The following GALNT17 variants were observed in gnomAD, a reference collection of about 807,000 sequenced individuals.
GALNT17 encodes polypeptide N-acetylgalactosaminyltransferase 17, also known as UDP-GalNAc:polypeptide N-acetylgalactosaminyltransferase-like 3.
A neutral mutation model predicts 63.7 loss-of-function variants in GALNT17; 29 were observed. The observed-to-expected ratio is 0.46, with a 90% CI of 0.34 to 0.62. The LOEUF (loss-of-function observed/expected upper bound fraction) is 0.62, where lower values mean the gene tolerates loss of function less well. Among genes scored for constraint, GALNT17 ranks in the 20% least tolerant of loss-of-function variants. The pLI is 0.01. For missense variants in GALNT17, 603 were observed against 799.6 expected (o/e 0.75, Z 2.97); for synonymous variants, 305 against 318.3 (o/e 0.96, Z 0.45).
chr7:71,547,113 T>C (rs1281218264), intron 5 of GALNT17, among the ~76,000 whole-genome samples: 1 of 151,992 alleles, frequency 6.6e-6, no homozygotes, highest in Non-Finnish European at 1.5e-5. Flanking sequence ...TGCCTCAGCC[T>C]CCTGAGTAGC....
intron 1 of GALNT17, among the ~76,000 whole-genome samples, chr7:71,173,703 G>A (rs1418607486): frequency 6.9e-6 from 1 of 144,330 alleles, no homozygotes. Context: ...AACCTGGGAG[G>A]CGGAGGTTGC....
chr7:71,159,051 A>G (rs1295042523), intron 1 of GALNT17, among the ~76,000 whole-genome samples: 1 of 151,674 alleles, frequency 6.6e-6, no homozygotes, highest in Non-Finnish European at 1.5e-5. Flanking sequence ...ATGCTTTTAC[A>G]AGCTAATACC....
At chr7:71,560,580 C>T (rs1212287823) in intron 5 of GALNT17, among the ~76,000 whole-genome samples, 2 of 152,132 alleles carry the variant, frequency 1.3e-5, no homozygotes, top group South Asian at 2.1e-4. Context: ...GTCCTAGTGG[C>T]GCAGGCACAG....
At chr7:71,402,634 C>T (rs1175043929) in intron 3 of GALNT17, among the ~76,000 whole-genome samples, 2 of 150,388 alleles carry the variant, frequency 1.3e-5, no homozygotes, top group African/African-American at 5.0e-5. Flanking sequence ...ACAAGCATAT[C>T]TGATCAACAT....
intron 1 of GALNT17, among the ~76,000 whole-genome samples, chr7:71,263,995 C>T (rs1260105560): frequency 6.6e-6 from 1 of 152,238 alleles, no homozygotes; most frequent in East Asian, 1.9e-4. Context: ...TGTAAATTTG[C>T]GTTTTCTGGC....
At chr7:71,433,357 T>A (rs549010768) in intron 5 of GALNT17, among the ~76,000 whole-genome samples, 41 of 152,210 alleles carry the variant, frequency 2.7e-4, no homozygotes, top group African/African-American at 9.6e-4. Flanking sequence ...CCCCCATCTG[T>A]GGAGGAGGGA....
intron 6 of GALNT17, among the ~76,000 whole-genome samples, chr7:71,595,660 G>GACACACACACAC (rs61389262): frequency 2.1e-5 from 3 of 142,694 alleles, no homozygotes; most frequent in Admixed American, 7.1e-5. Flanking sequence ...GAGAGACTGA[G>GACACACACACAC]ACACACACAC....
At chr7:71,149,109 G>T (rs927334320) in intron 1 of GALNT17, among the ~76,000 whole-genome samples, 4 of 151,590 alleles carry the variant, frequency 2.6e-5, no homozygotes, top group African/African-American at 9.7e-5. Context: ...TTCTGGAGAC[G>T]GAGTCTTGCT....
chr7:71,144,738 TG>T (rs1295219091), intron 1 of GALNT17, among the ~76,000 whole-genome samples: 1 of 152,068 alleles, frequency 6.6e-6, no homozygotes, highest in East Asian at 1.9e-4. Context: ...GCTGGGGTTT[TG>T]TTTTGTTTTT....
At chr7:71,386,381 C>T (rs1267531306) in intron 2 of GALNT17, among the ~76,000 whole-genome samples, 4 of 152,240 alleles carry the variant, frequency 2.6e-5, no homozygotes, top group East Asian at 1.9e-4. Flanking sequence ...CTCCCTGTTC[C>T]GTTGTGCTAT....
chr7:71,498,786 A>C (rs550075783), intron 5 of GALNT17, among the ~76,000 whole-genome samples: 1 of 152,314 alleles, frequency 6.6e-6, no homozygotes, highest in Non-Finnish European at 1.5e-5. Context: ...ACCCTGGAGA[A>C]GAATGTTCTT....
chr7:71,360,683 A>G (rs1246317661), intron 2 of GALNT17, among the ~76,000 whole-genome samples: 1 of 152,178 alleles, frequency 6.6e-6, no homozygotes, highest in Admixed American at 6.5e-5. Context: ...CTGTAATCCC[A>G]GTACTTTGGG....
intron 1 of GALNT17, among the ~76,000 whole-genome samples, chr7:71,268,212 G>A (rs1013722686): frequency 5.9e-5 from 9 of 151,952 alleles, no homozygotes; most frequent in Non-Finnish European, 1.2e-4. Flanking sequence ...CTCCTCCCCA[G>A]GTCAAATGGG....
intron 5 of GALNT17, among the ~76,000 whole-genome samples, chr7:71,535,934 T>C (rs1479807920): frequency 1.3e-5 from 2 of 152,164 alleles, no homozygotes; most frequent in Non-Finnish European, 2.9e-5. Context: ...ACAGTTAGAA[T>C]TTTTGACTCT....
intron 5 of GALNT17, among the ~76,000 whole-genome samples, chr7:71,436,447 C>T (rs188864547): frequency 6.6e-5 from 10 of 152,246 alleles, no homozygotes; most frequent in Admixed American, 3.3e-4. Flanking sequence ...TGGCTGGGCA[C>T]GGTGACTCAC....
At chr7:71,662,326 C>T (rs1198758632) in intron 6 of GALNT17, among the ~76,000 whole-genome samples, 1 of 151,336 alleles carries the variant, frequency 6.6e-6, no homozygotes, top group Non-Finnish European at 1.5e-5. Context: ...GTTTATCTAT[C>T]TATCTATCTG....
intron 5 of GALNT17, among the ~76,000 whole-genome samples, chr7:71,538,412 A>G (rs1030329354): frequency 2.0e-5 from 3 of 152,156 alleles, no homozygotes; most frequent in African/African-American, 7.2e-5. Context: ...TGTCTTCAGC[A>G]AGAATGAGGG....
Position 71,665,967 on chromosome 7 carries a change from T to G in GALNT17, c.1266+371T>G, listed in dbSNP as rs138012892. Among the ~76,000 whole-genome samples, 617 of 152,292 alleles carry G rather than the reference T, an allele frequency of 4.1e-3. 1 individual carries two copies. The highest frequency in any genetic ancestry group is 0.02 in the Middle Eastern group (6 of 294). On this transcript the variant is annotated intron_variant, in intron 7 of 10. Coordinates refer to ENST00000333538, the MANE Select transcript of GALNT17 (RefSeq NM_022479.3). Reference sequence around the variant, plus strand: ...GTGTGACTTCCCATGGAGCTCCAGCTGCCCCGTATCATATGCCTTTACTCT... The same window carrying G: ...GTGTGACTTCCCATGGAGCTCCAGCGGCCCCGTATCATATGCCTTTACTCT...
intron 9 of GALNT17, among the ~76,000 whole-genome samples, chr7:71,698,453 G>A (rs1041549371): frequency 4.6e-5 from 7 of 152,162 alleles, no homozygotes; most frequent in African/African-American, 1.7e-4. Flanking sequence ...TGAACTATTA[G>A]AAGGAAGTGA....
Sources: allele counts gnomAD v4.1 joint callset (sites outside exome capture counted in the v4.1 genomes callset), GRCh38; gene constraint gnomAD v4.1.1; transcripts MANE v1.5; gene names NCBI Gene and HGNC (gene_info 2026-07-23, HGNC 2026-07-21).